The following KIF2C variants were observed in gnomAD, a reference collection of about 807,000 sequenced individuals.
KIF2C encodes the protein kinesin family member 2C.
A neutral mutation model predicts 97.4 loss-of-function variants in KIF2C; 34 were observed. The observed-to-expected ratio is 0.35, with a 90% confidence interval of 0.27 to 0.46. KIF2C has a LOEUF of 0.46. KIF2C is among the 20% of genes least tolerant of loss of function. The pLI is 1.00. For missense variants in KIF2C, 750 were observed against 907.6 expected, an observed-to-expected ratio of 0.83 and a Z score of 2.23; for synonymous variants, 313 against 318.2, an observed-to-expected ratio of 0.98 and a Z score of 0.17.
chr1:44,743,924 T>G, intron 2 of KIF2C, among the ~76,000 whole-genome samples: 1 of 152,254 alleles, frequency 6.6e-6, no homozygotes, highest in Admixed American at 6.5e-5. Flanking sequence ...AAGAGGTTCC[T>G]AAAATTCCTT....
rs999918013 is a variant in KIF2C, at chr1:44,753,127, T to A, written c.440-5T>A. On this transcript the variant is annotated splice_region_variant and splice_polypyrimidine_tract_variant and intron_variant, in intron 5 of 20. Coordinates refer to ENST00000372224, the MANE Select transcript of KIF2C (RefSeq NM_006845.4). ...GCTTCTCCAGTGACTCTTGTTCCCC[T>A]ACAGCTGCCCCCACTAGGCCTTCCT... 2 of 1,609,918 alleles carry A rather than the reference T, an allele frequency of 1.2e-6. No homozygotes were observed. The highest frequency in any genetic ancestry group is 1.7e-6 in the Non-Finnish European group (2 of 1,177,670).
In KIF2C at chr1:44,753,138, C is replaced by T. The variant is rs760999037; in HGVS notation, c.446C>T (p.Pro149Leu). The change falls in exon 6 of 21, where the codon CCC (proline) becomes CTC (leucine). Residue 149 changes from proline (P) to leucine (L), a missense_variant. Pro to Leu is a moderately conservative substitution (Grantham distance 98). Transcript: ENST00000372224. ...GACTCTTGTTCCCCTACAGCTGCCC[C>T]CACTAGGCCTTCCTGCCCTGCAGTG... ...SRKQFSVPPAPTRPSCPAVAE... is the reference protein window; with the variant it reads ...SRKQFSVPPALTRPSCPAVAE... 2 of 1,612,048 alleles carry T rather than the reference C, an allele frequency of 1.2e-6. No individual in the cohort carries two copies. The highest frequency in any genetic ancestry group is 1.7e-6 in the Non-Finnish European group (2 of 1,178,844).
rs149103331 is a variant in KIF2C, at chr1:44,747,480, A to G, written c.262A>G (p.Ile88Val). Residue 88 changes from isoleucine (I) to valine (V), a missense_variant, in exon 3 of 21, where the codon ATC becomes GTC. Coordinates refer to ENST00000372224, the MANE Select transcript of KIF2C (RefSeq NM_006845.4). ...DNLPLQENVT[I>V]QKQKRRSVNS... Reference sequence around the variant, plus strand: ...TCTGCCCTTGCAGGAAAATGTAACAATCCAGGTAGGTGCCTGTCATCTGGC... The same window carrying G: ...TCTGCCCTTGCAGGAAAATGTAACAGTCCAGGTAGGTGCCTGTCATCTGGC... The G allele has an allele frequency of 1.5e-4, 247 of 1,607,372 alleles. No homozygotes were observed. In the African/African-American group the frequency reaches 2.9e-3, roughly 19 times the overall value.
In KIF2C at chr1:44,753,783, C is replaced by G. The variant is rs1366603093; in HGVS notation, c.613C>G (p.Arg205Gly). Residue 205 changes from arginine to glycine, a missense_variant, in exon 7 of 21, where the codon CGA becomes GGA. By Grantham distance (125) the Arg-to-Gly change is moderately radical. Coordinates refer to ENST00000372224, the MANE Select transcript of KIF2C (RefSeq NM_006845.4). ...VKEVEKMKNK[R>G]EEKKAQNSEM... Reference sequence around the variant, plus strand: ...GGAAGTGGAAAAAATGAAGAACAAGCGAGAAGAGAAGAAGGCCCAGAACTC... The same window carrying G: ...GGAAGTGGAAAAAATGAAGAACAAGGGAGAAGAGAAGAAGGCCCAGAACTC... 6.2e-7 allele frequency: 1 copy of G among 1,611,092 alleles called. No homozygotes were observed. Among genetic ancestry groups the G allele is most frequent in the Non-Finnish European group, 8.5e-7 (1 of 1,178,946 alleles).
In KIF2C at chr1:44,750,561, C is replaced by A; in HGVS notation, c.436C>A (p.Pro146Thr). 1 of 1,548,362 alleles carries A rather than the reference C, an allele frequency of 6.5e-7. No homozygotes were observed. The highest frequency in any genetic ancestry group is 8.8e-7 in the Non-Finnish European group (1 of 1,142,614). The change falls in exon 5 of 21, where the codon CCT becomes ACT. Residue 146 changes from proline to threonine, a missense_variant. Coordinates refer to ENST00000372224, the MANE Select transcript of KIF2C (RefSeq NM_006845.4). Reference sequence around the variant, plus strand: ...AAACTCCCGCAAGCAGTTTTCAGTTCCTCGTGAGTAACGAATGTGCCCCCA... The same window carrying A: ...AAACTCCCGCAAGCAGTTTTCAGTTACTCGTGAGTAACGAATGTGCCCCCA... ...AANSRKQFSV[P>T]PAPTRPSCPA...
Position 44,753,222 on chromosome 1 carries a change from G to A in KIF2C, c.530G>A (p.Arg177Gln), listed in dbSNP as rs144386774. 10 of 1,613,892 alleles carry A rather than the reference G, an allele frequency of 6.2e-6. No individual in the cohort carries two copies. The highest frequency in any genetic ancestry group is 3.3e-5 in the Admixed American group (2 of 60,012). Residue 177 changes from arginine (R) to glutamine (Q), a missense_variant, in exon 6 of 21, where the codon CGA (arginine) becomes CAA (glutamine). Coordinates refer to ENST00000372224, the MANE Select transcript of KIF2C (RefSeq NM_006845.4). ...EEMEEQVHSI[R>Q]GSSSANPVNS... Reference sequence around the variant, plus strand: ...ATGGAAGAGCAAGTCCATTCCATCCGAGGCAGCTCTTCTGCAAACCCTGTG... The same window carrying A: ...ATGGAAGAGCAAGTCCATTCCATCCAAGGCAGCTCTTCTGCAAACCCTGTG...
At chr1:44,750,605 C>A in intron 5 of KIF2C, 41 bp downstream of exon 5, 1 of 1,455,272 alleles carries the variant, frequency 6.9e-7, no homozygotes, top group South Asian at 1.5e-5. Flanking sequence ...GTTTGAGGCC[C>A]TGGAGCACAT....
chr1:44,762,654 T>C lies in KIF2C; in HGVS notation c.1967T>C (p.Ile656Thr), dbSNP rs772951724. Residue 656 changes from isoleucine (I) to threonine (T), a missense_variant, in exon 19 of 21, where the codon ATA becomes ACA. Coordinates refer to ENST00000372224, the MANE Select transcript of KIF2C (RefSeq NM_006845.4). Reference sequence around the variant, plus strand: ...GCTATGGAAGAGCTCAAGGAGATCATACAGGTAGGCAGCTGGCCCTGGACA... The same window carrying C: ...GCTATGGAAGAGCTCAAGGAGATCACACAGGTAGGCAGCTGGCCCTGGACA... ...EKAMEELKEI[I>T]QQGPDWLELS... 1.2e-6 allele frequency: 2 copies of C among 1,609,566 alleles called. No individual in the cohort carries two copies. Among genetic ancestry groups the C allele is most frequent in the Non-Finnish European group, 1.7e-6 (2 of 1,176,040 alleles).
chr1:44,742,513 T>G (rs554951724), intron 2 of KIF2C, among the ~76,000 whole-genome samples: 1 of 149,538 alleles, frequency 6.7e-6, no homozygotes, highest in Non-Finnish European at 1.5e-5. Flanking sequence ...AGATCAGGAG[T>G]TTGAGACCAG....
At chr1:44,758,229 TATTAGCTG>T (rs111920953) in intron 13 of KIF2C, 89 bp downstream of exon 13, 407,195 of 1,053,816 alleles carry the variant, frequency 0.39, 84,515 homozygotes, top group African/African-American at 0.58. Context: ...GCCAAAAACC[TATTAGCTG>T]ATTAGCTGTC....
chr1:44,740,138 G>C, intron 1 of KIF2C, 136 bp downstream of exon 1: 1 of 1,038,624 alleles, frequency 9.6e-7, no homozygotes, highest in Non-Finnish European at 1.5e-6. Context: ...CTCACTCCGG[G>C]TCTCTGCACT....
intron 8 of KIF2C, among the ~76,000 whole-genome samples, chr1:44,755,526 A>G (rs1342217473): frequency 2.6e-5 from 4 of 152,192 alleles, no homozygotes; most frequent in African/African-American, 9.6e-5. Flanking sequence ...AGCCTCCCAA[A>G]GTGCTGGGAT....
In KIF2C at chr1:44,762,434, G is replaced by C. The variant is rs749307252; in HGVS notation, c.1840G>C (p.Ala614Pro). 6.2e-7 allele frequency: 1 copy of C among 1,614,048 alleles called. No individual in the cohort carries two copies. Among genetic ancestry groups the C allele is most frequent in the Admixed American group, 1.7e-5 (1 of 60,006 alleles). Residue 614 changes from alanine to proline, a missense_variant, in exon 18 of 21, where the codon GCG (alanine) becomes CCG (proline). Ala to Pro is a conservative substitution (Grantham distance 27). Transcript: ENST00000372224. ...AGAGATGGAAGCCTGCTCTAACGGG[G>C]CGCTGATTCCAGGCAATGTAAGGAC... ...TEEMEACSNG[A>P]LIPGNLSKEE... is the part of the protein sequence containing the mutation.
chr1:44,745,232 C>T (rs1437425647), intron 2 of KIF2C, among the ~76,000 whole-genome samples: 1 of 151,238 alleles, frequency 6.6e-6, no homozygotes, highest in African/African-American at 2.4e-5. Flanking sequence ...TGTTTATGCT[C>T]TCTGTAGTTT....
Position 44,756,220 on chromosome 1 carries a change from G to A in KIF2C, c.960G>A (p.Ser320=), listed in dbSNP as rs146490098. ...CFDFAFDETA[S]NEVVYRFTAR... ...ACTTTGCATTTGATGAAACAGCTTC[G>A]AATGAAGTTGTCTACAGGTTAGTCC... Residue 320 remains serine (S), a synonymous_variant, in exon 10 of 21, where the codon TCG becomes TCA. Coordinates refer to ENST00000372224, the MANE Select transcript of KIF2C (RefSeq NM_006845.4). 2.3e-5 allele frequency: 37 copies of A among 1,614,024 alleles called. No individual in the cohort carries two copies. Among genetic ancestry groups the A allele is most frequent in the Non-Finnish European group, 3.1e-5 (36 of 1,180,032 alleles).
intron 5 of KIF2C, 83 bp from the exon 6 acceptor site, chr1:44,753,049 G>C (rs907681595): frequency 6.6e-7 from 1 of 1,518,044 alleles, no homozygotes. Flanking sequence ...TCGCTCTCCC[G>C]GCCCATAACC....
chr1:44,740,355 G>C (rs1648872490), intron 1 of KIF2C, among the ~76,000 whole-genome samples: 1 of 152,124 alleles, frequency 6.6e-6, no homozygotes, highest in Non-Finnish European at 1.5e-5. Flanking sequence ...CTTTACTCTC[G>C]AATAAATATT....
chr1:44,766,991 T>C (rs779616244), intron 20 of KIF2C, 42 bp downstream of exon 20: 3 of 1,612,832 alleles, frequency 1.9e-6, no homozygotes, highest in Middle Eastern at 1.7e-4. Flanking sequence ...GATGGTGGCC[T>C]CTGCTGGCTC....
At chr1:44,740,822 G>A (rs1381652724) in intron 1 of KIF2C, 91 bp from the exon 2 acceptor site, 2 of 529,346 alleles carry the variant, frequency 3.8e-6, no homozygotes, top group South Asian at 5.4e-5. Context: ...TGTTCCTTCA[G>A]GTTAACTCCA....
Sources: allele counts gnomAD v4.1 joint callset (sites outside exome capture counted in the v4.1 genomes callset), GRCh38; gene constraint gnomAD v4.1.1; transcripts MANE v1.5; gene names NCBI Gene and HGNC (gene_info 2026-07-23, HGNC 2026-07-21).